RAN: variants seen among roughly 807,000 people sequenced by gnomAD.
RAN encodes the protein RAN, member RAS oncogene family, also known as GTP-binding nuclear protein Ran.
In RAN, 2 loss-of-function variants were observed where a neutral mutation model predicts 26.8. That is an observed-to-expected ratio of 0.07 (90% CI 0.03 to 0.23). The LOEUF is 0.23. Ranked by LOEUF, RAN falls within the 10% of genes least tolerant of loss-of-function variation. RAN has a pLI of 1.00. For synonymous variants in RAN, 132 were observed against 95.9 expected (o/e 1.38, Z -2.20); for missense variants, 56 against 264.8 (o/e 0.21, Z 5.47).
chr12:130,872,488 G>T, intron 1 of RAN, 96 bp from the exon 2 acceptor site: 1 of 934,618 alleles, frequency 1.1e-6, no homozygotes, highest in East Asian at 3.7e-5. Flanking sequence ...GGAGGCCTTT[G>T]TGGGGCGGGC....
intron 2 of RAN, 67 bp from the exon 3 acceptor site, chr12:130,872,769 T>C (rs1953163546): frequency 6.3e-7 from 1 of 1,596,202 alleles, no homozygotes; most frequent in South Asian, 1.1e-5. Flanking sequence ...TGGTTAAAGT[T>C]CCGTGACTCT....
chr12:130,874,089 TC>T lies in RAN; in HGVS notation c.248-455del, dbSNP rs539773917. The T allele has an allele frequency of 5.5e-4, 179 of 322,562 alleles. 3 individuals carry two copies. The highest frequency in any genetic ancestry group is 4.2e-3 in the South Asian group (178 of 42,846). The allele number at this position is 322,562 out of a possible 1,614,324, so 20.0% of individuals were successfully genotyped here. ...GTCTGGAACTCATGAGCTCAGGTGATCCACCCACCTCAGCCTCTCAAAGTGC... is the reference window on the plus strand; with the variant it reads ...GTCTGGAACTCATGAGCTCAGGTGATCACCCACCTCAGCCTCTCAAAGTGC... On this transcript the variant is annotated intron_variant, in intron 4 of 6. Transcript: ENST00000543796.
chr12:130,873,319 CTG>C (rs1953174162), intron 4 of RAN, 191 bp downstream of exon 4: 1 of 646,118 alleles, frequency 1.5e-6, no homozygotes, highest in South Asian at 1.9e-5. Context: ...CATTTGCATG[CTG>C]TGTCATGCTA....
Position 130,876,195 on chromosome 12 carries a change from A to G in RAN, c.*269A>G, listed in dbSNP as rs149187550. The G allele has an allele frequency of 1.1e-3, 513 of 473,886 alleles. 2 individuals are homozygous for G. The highest frequency in any genetic ancestry group is 9.3e-3 in the African/African-American group (474 of 51,084). 29.4% of individuals were successfully genotyped at this position (473,886 alleles called of 1,614,324 possible). ...ATAAGACTGCTGCAGTCACATCACAATATTCAGTGGTGAAATCTTGTTTGT... is the reference window on the plus strand; with the variant it reads ...ATAAGACTGCTGCAGTCACATCACAGTATTCAGTGGTGAAATCTTGTTTGT... On this transcript the variant is annotated 3_prime_UTR_variant, in exon 7 of 7. Transcript: ENST00000543796.
chr12:130,875,071 T>A (rs1254490001), intron 5 of RAN, among the ~76,000 whole-genome samples: 2 of 152,162 alleles, frequency 1.3e-5, no homozygotes, highest in Admixed American at 6.5e-5. Context: ...AGTGATCCAC[T>A]TGCCTTGGCC....
intron 5 of RAN, among the ~76,000 whole-genome samples, chr12:130,875,121 C>G (rs192674464): frequency 2.0e-5 from 3 of 150,050 alleles, no homozygotes; most frequent in African/African-American, 7.4e-5. Flanking sequence ...CCACTGTGCC[C>G]GGCCGGAAAT....
intron 2 of RAN, 46 bp downstream of exon 2, chr12:130,872,675 C>T: frequency 2.0e-6 from 3 of 1,526,574 alleles, no homozygotes; most frequent in Non-Finnish European, 2.6e-6. Context: ...CGACCGCGTG[C>T]GACTCGCGGG....
intron 4 of RAN, 93 bp from the exon 5 acceptor site, chr12:130,874,453 G>C: frequency 9.7e-7 from 1 of 1,036,174 alleles, no homozygotes; most frequent in Non-Finnish European, 1.4e-6. Flanking sequence ...TGAGGTCTAA[G>C]ACTATAACTA....
At chr12:130,875,498 T>G in intron 5 of RAN, 114 bp from the exon 6 acceptor site, 1 of 997,332 alleles carries the variant, frequency 1.0e-6, no homozygotes, top group Non-Finnish European at 1.4e-6. Flanking sequence ...ATTACAGGCA[T>G]GAGCCACCAT....
intron 5 of RAN, among the ~76,000 whole-genome samples, chr12:130,875,368 C>G (rs1953219661): frequency 6.6e-6 from 1 of 151,886 alleles, no homozygotes; most frequent in Non-Finnish European, 1.5e-5. Flanking sequence ...CTCACAGGCA[C>G]TCACCACCAT....
chr12:130,876,542 C>T lies in RAN; in HGVS notation c.*616C>T, dbSNP rs1802282. ...AGTTAAGCTAAAGCAGTGTTTGCTC[C>T]ACCTTCATATTGGCTAGGTAGGGTC... On this transcript the variant is annotated 3_prime_UTR_variant, in exon 7 of 7. Coordinates refer to ENST00000543796, the MANE Select transcript of RAN (RefSeq NM_006325.5). The T allele has an allele frequency of 1.3e-5, 2 of 152,562 alleles. No individual in the cohort carries two copies. Among genetic ancestry groups the T allele is most frequent in the African/African-American group, 4.8e-5 (2 of 41,428 alleles). 9.5% of individuals were successfully genotyped at this position (152,562 alleles called of 1,614,324 possible).
chr12:130,875,044 T>G (rs1365582529), intron 5 of RAN, among the ~76,000 whole-genome samples: 1 of 152,158 alleles, frequency 6.6e-6, no homozygotes, highest in Non-Finnish European at 1.5e-5. Flanking sequence ...CAGGCTGATC[T>G]CCAACTCCTG....
At position 130,876,702 on chromosome 12, in the gene RAN, C is replaced by G. The variant is rs1005018320; in HGVS notation, c.*776C>G. ...TCATGTTTTAATGTAGAACCTCAAA[C>G]AGGATGGAACATCAGTGGATGGCAG... On this transcript the variant is annotated 3_prime_UTR_variant, in exon 7 of 7. Transcript: ENST00000543796. The G allele has an allele frequency of 2.0e-5, 3 of 152,190 alleles. No individual in the cohort carries two copies. The highest frequency in any genetic ancestry group is 7.2e-5 in the African/African-American group (3 of 41,454). The allele number at this position is 152,190 out of a possible 1,614,324, so 9.4% of individuals were successfully genotyped here.
At chr12:130,873,906 C>T (rs968106365) in intron 4 of RAN, 2 of 193,956 alleles carry the variant, frequency 1.0e-5, no homozygotes, top group Non-Finnish European at 2.2e-5. Context: ...GGGTTTCGCT[C>T]TGTTGCCCAA....
At position 130,873,254 on chromosome 12, in the gene RAN, C is replaced by T. The variant is rs572461065; in HGVS notation, c.247+126C>T. On this transcript the variant is annotated intron_variant, in intron 4 of 6. Transcript: ENST00000543796. The stretch of plus-strand genomic sequence containing the variant: ...TTTGGGTTAAAAAAAGACAAGTGGA[C>T]TTCGGGGAGTTGACCACCATTTTGG... 1.5e-5 allele frequency: 20 copies of T among 1,332,850 alleles called. No homozygotes were observed. The East Asian group carries it at 4.2e-4, about 28-fold the overall frequency. 82.6% of individuals were successfully genotyped at this position (1,332,850 alleles called of 1,614,324 possible).
chr12:130,874,776 G>T, intron 5 of RAN, 43 bp downstream of exon 5: 1 of 1,501,730 alleles, frequency 6.7e-7, no homozygotes, highest in Admixed American at 1.8e-5. Context: ...TCTTAGCGGA[G>T]ATTATATGTA....
In RAN at chr12:130,876,811, T is replaced by TA. The variant is rs751847846; in HGVS notation, c.*886dup. 4 of 152,236 alleles carry TA rather than the reference T, an allele frequency of 2.6e-5. No homozygotes were observed. The highest frequency in any genetic ancestry group is 2.1e-4 in the South Asian group (1 of 4,836). 9.4% of individuals were successfully genotyped at this position (152,236 alleles called of 1,614,324 possible). ...TGTTAGATGCTTAGTGTGAAGTTGA[T>TA]ACGCAAGGAAAATGGTCCATGTTTA... On this transcript the variant is annotated 3_prime_UTR_variant, in exon 7 of 7. Coordinates refer to ENST00000543796, the MANE Select transcript of RAN (RefSeq NM_006325.5).
intron 5 of RAN, among the ~76,000 whole-genome samples, chr12:130,875,244 CAG>C (rs1306975137): frequency 6.6e-6 from 1 of 152,212 alleles, no homozygotes; most frequent in Non-Finnish European, 1.5e-5. Context: ...TTGTTCGAGA[CAG>C]GGTCTTGCTC....
At chr12:130,875,561 G>A (rs771854244) in intron 5 of RAN, 51 bp from the exon 6 acceptor site, 43 of 1,446,474 alleles carry the variant, frequency 3.0e-5, no homozygotes, top group Non-Finnish European at 3.6e-5. Context: ...TAGAAAAATC[G>A]TCATCTTAAT....
Sources: gnomAD v4.1 joint callset for allele counts (sites outside exome capture counted in the v4.1 genomes callset) on GRCh38, gnomAD v4.1.1 for gene constraint, MANE v1.5 for transcripts, NCBI Gene and HGNC (gene_info 2026-07-23, HGNC 2026-07-21) for gene names.